Variants in PDIA3 observed in about 807,000 individuals in gnomAD.
PDIA3 encodes protein disulfide-isomerase A3.
A neutral mutation model predicts 56.9 loss-of-function variants in PDIA3; 16 were observed. That is an observed-to-expected ratio of 0.28 (90% CI 0.19 to 0.43). The LOEUF is 0.43. PDIA3 is among the 20% of genes least tolerant of loss of function. PDIA3 has a pLI of 1.00. For missense variants in PDIA3, 485 were observed against 621.3 expected, an observed-to-expected ratio of 0.78 and a Z score of 2.33; for synonymous variants, 192 against 216.5, an observed-to-expected ratio of 0.89 and a Z score of 0.99.
chr15:43,756,919 A>G (rs190322034), intron 3 of PDIA3, among the ~76,000 whole-genome samples, 153 bp downstream of exon 3: 2 of 152,366 alleles, frequency 1.3e-5, no homozygotes, highest in African/African-American at 4.8e-5. Flanking sequence ...AGACCTCTCT[A>G]AATGAACAGA....
At chr15:43,761,569 A>T in intron 4 of PDIA3, 38 bp downstream of exon 4, 2 of 1,138,736 alleles carry the variant, frequency 1.8e-6, no homozygotes, top group Non-Finnish European at 2.6e-6. Context: ...CAGAATTGTC[A>T]GTTTGGTTTC....
At chr15:43,760,786 C>G (rs2086809993) in intron 3 of PDIA3, among the ~76,000 whole-genome samples, 1 of 151,430 alleles carries the variant, frequency 6.6e-6, no homozygotes, top group Admixed American at 6.6e-5. Context: ...CCGCCTCGGC[C>G]TCCCAAAGTG....
In PDIA3 at chr15:43,772,045, G is replaced by A. The variant is rs1393741971; in HGVS notation, c.*827G>A. ...GTTTCAGGAATTGCTGACACTGCTG[G>A]GTGCAGTTCTATCCCCTAAAGCCTA... On this transcript the variant is annotated 3_prime_UTR_variant, in exon 13 of 13. Coordinates refer to ENST00000300289, the MANE Select transcript of PDIA3 (RefSeq NM_005313.5). 1.3e-5 allele frequency: 2 copies of A among 158,334 alleles called. No individual in the cohort carries two copies. Among genetic ancestry groups the A allele is most frequent in the East Asian group, 3.7e-4 (2 of 5,456 alleles). The allele number at this position is 158,334 out of a possible 1,614,324, so 9.8% of individuals were successfully genotyped here. A position where few individuals can be genotyped will look rare whatever the true frequency, so the allele number is the denominator to read the frequency against.
Position 43,746,485 on chromosome 15 carries a change from C to G in PDIA3, c.-55C>G. 1 of 1,450,484 alleles carries G rather than the reference C, an allele frequency of 6.9e-7. No homozygotes were observed. Among genetic ancestry groups the G allele is most frequent in the Non-Finnish European group, 9.2e-7 (1 of 1,091,030 alleles). 89.9% of individuals were successfully genotyped at this position (1,450,484 alleles called of 1,614,324 possible). On this transcript the variant is annotated 5_prime_UTR_variant, in exon 1 of 13. Coordinates refer to ENST00000300289, the MANE Select transcript of PDIA3 (RefSeq NM_005313.5). Reference sequence around the variant, plus strand: ...GGTTAGTGGTCGCGCGCCCGACCTCCGCAGTCCCAGCCGAGCCGCGACCCT... The same window carrying G: ...GGTTAGTGGTCGCGCGCCCGACCTCGGCAGTCCCAGCCGAGCCGCGACCCT...
chr15:43,755,188 G>A (rs2086770636), intron 2 of PDIA3, among the ~76,000 whole-genome samples: 1 of 152,012 alleles, frequency 6.6e-6, no homozygotes, highest in Non-Finnish European at 1.5e-5. Context: ...TTAGCCATGT[G>A]TGGTGGCAGG....
intron 1 of PDIA3, chr15:43,747,162 C>G (rs2086712385): frequency 6.3e-6 from 1 of 158,600 alleles, no homozygotes; most frequent in East Asian, 1.9e-4. Flanking sequence ...GCCGCACAGC[C>G]ATTGGTTTCT....
chr15:43,768,054 T>C (rs2086859464), intron 8 of PDIA3, among the ~76,000 whole-genome samples: 1 of 152,200 alleles, frequency 6.6e-6, no homozygotes, highest in Admixed American at 6.6e-5. Context: ...GTATTTTCTT[T>C]TTGAAATAGC....
intron 1 of PDIA3, among the ~76,000 whole-genome samples, chr15:43,747,373 C>G (rs555486729): frequency 6.6e-6 from 1 of 152,262 alleles, no homozygotes; most frequent in African/African-American, 2.4e-5. Flanking sequence ...TTTTAAATAG[C>G]ATTTCTTTAA....
intron 8 of PDIA3, 98 bp from the exon 9 acceptor site, chr15:43,768,391 A>G: frequency 1.2e-6 from 1 of 847,792 alleles, no homozygotes; most frequent in Non-Finnish European, 1.9e-6. Flanking sequence ...TTTAGCCTTG[A>G]AAAGCTAAAA....
chr15:43,749,743 C>T lies in PDIA3; in HGVS notation c.167+3037C>T, dbSNP rs1431092903. On this transcript the variant is annotated intron_variant, in intron 1 of 12. Coordinates refer to ENST00000300289, the MANE Select transcript of PDIA3 (RefSeq NM_005313.5). The stretch of plus-strand genomic sequence containing the variant: ...AGGAGGCAGTGGCGAGGTAAGAGAC[C>T]AGCCTGGGCAGCATGGCCAGACCCC... Among the ~76,000 whole-genome samples the T allele has an allele frequency of 1.1e-4, 16 of 152,166 alleles. No individual in the cohort carries two copies. In the East Asian group the frequency reaches 2.9e-3, roughly 28 times the overall value.
At chr15:43,753,565 C>T (rs1309420092) in intron 1 of PDIA3, among the ~76,000 whole-genome samples, 2 of 152,194 alleles carry the variant, frequency 1.3e-5, no homozygotes, top group Non-Finnish European at 2.9e-5. Context: ...CTTAGTTATA[C>T]TTTGTATTGA....
chr15:43,764,853 G>C (rs1293506977), intron 5 of PDIA3, among the ~76,000 whole-genome samples: 1 of 152,160 alleles, frequency 6.6e-6, no homozygotes, highest in Admixed American at 6.5e-5. Context: ...ATTAAATTGA[G>C]ACCTGGTCCA....
Position 43,756,876 on chromosome 15 carries a change from C to A in PDIA3, c.364+110C>A, listed in dbSNP as rs2086781616. ...CAGTATACTTTCAGTCTTAAAACTT[C>A]CTCATCTAAGAGGTCAGTTTGGTGG... On this transcript the variant is annotated intron_variant, in intron 3 of 12. Transcript: ENST00000300289. 1.3e-5 allele frequency: 8 copies of A among 617,420 alleles called. No individual in the cohort carries two copies. The East Asian group carries it at 1.9e-4, about 14-fold the overall frequency. 38.2% of individuals were successfully genotyped at this position (617,420 alleles called of 1,614,324 possible).
chr15:43,749,326 A>T (rs1426404472), intron 1 of PDIA3, among the ~76,000 whole-genome samples: 1 of 151,352 alleles, frequency 6.6e-6, no homozygotes, highest in Non-Finnish European at 1.5e-5. Flanking sequence ...TGACCTCAGG[A>T]GATCCACCCT....
At chr15:43,770,229 T>C in intron 10 of PDIA3, 21 bp from the exon 11 acceptor site, 1 of 1,595,376 alleles carries the variant, frequency 6.3e-7, no homozygotes, top group Non-Finnish European at 8.6e-7. Flanking sequence ...AATGTAAACA[T>C]TTAACCTGTT....
chr15:43,749,778 A>G (rs1002272081), intron 1 of PDIA3, among the ~76,000 whole-genome samples: 7 of 152,154 alleles, frequency 4.6e-5, no homozygotes, highest in African/African-American at 1.4e-4. Flanking sequence ...CATCTCTACT[A>G]AAAAATGACA....
chr15:43,751,638 T>A, intron 1 of PDIA3: 1 of 1,304,224 alleles, frequency 7.7e-7, no homozygotes, highest in Non-Finnish European at 1.0e-6. Flanking sequence ...ATTGAAACTC[T>A]TTTTGTGGAT....
In PDIA3 at chr15:43,773,196, G is replaced by T; in HGVS notation, c.*1978G>T. ...AATTTCTGGTGAAGGTACTCACAGC[G>T]ACGCTTTTCTTCTCTGTAACTTGGG... On this transcript the variant is annotated 3_prime_UTR_variant, in exon 13 of 13. Transcript: ENST00000300289. The T allele has an allele frequency of 1.2e-6, 2 of 1,613,944 alleles. No homozygotes were observed. The highest frequency in any genetic ancestry group is 1.7e-6 in the Non-Finnish European group (2 of 1,179,970).
intron 3 of PDIA3, among the ~76,000 whole-genome samples, chr15:43,759,354 T>C (rs986161092): frequency 1.3e-5 from 2 of 152,218 alleles, no homozygotes. Flanking sequence ...TGCCCACTTC[T>C]GAGTATACAT....
Sources: gnomAD v4.1 joint callset for allele counts (sites outside exome capture counted in the v4.1 genomes callset) on GRCh38, gnomAD v4.1.1 for gene constraint, MANE v1.5 for transcripts, NCBI Gene and HGNC (gene_info 2026-07-23, HGNC 2026-07-21) for gene names.